Variants in RSBN1 observed in about 807,000 individuals in gnomAD.
RSBN1 encodes the protein lysine-specific demethylase 9.
In RSBN1, 23 loss-of-function variants were observed where a neutral mutation model predicts 74.8. The observed-to-expected ratio is 0.31, with a 90% CI of 0.22 to 0.44. The LOEUF is 0.44. Ranked by LOEUF, RSBN1 falls within the 20% of genes least tolerant of loss-of-function variation. RSBN1 has a pLI of 1.00. For synonymous variants in RSBN1, 407 were observed against 379.6 expected (o/e 1.07, Z -0.84); for missense variants, 808 against 1,020.9 (o/e 0.79, Z 2.84).
At chr1:113,801,169 G>A (rs1660577367) in intron 1 of RSBN1, among the ~76,000 whole-genome samples, 1 of 151,964 alleles carries the variant, frequency 6.6e-6, no homozygotes, top group Admixed American at 6.6e-5. Context: ...TTTTAGTAGA[G>A]ACAGGGTTTC....
chr1:113,795,429 G>T (rs1421656774), intron 2 of RSBN1, among the ~76,000 whole-genome samples: 2 of 152,170 alleles, frequency 1.3e-5, no homozygotes, highest in African/African-American at 2.4e-5. Flanking sequence ...TTGAACTACT[G>T]TGTTAACTTC....
chr1:113,791,061 C>T (rs1660354424), intron 2 of RSBN1, among the ~76,000 whole-genome samples: 3 of 151,944 alleles, frequency 2.0e-5, no homozygotes, highest in Admixed American at 2.0e-4. Context: ...GAGGAACAAA[C>T]AGAATTGGGA....
intron 5 of RSBN1, 175 bp downstream of exon 5, chr1:113,768,047 C>T (rs1244547915): frequency 4.1e-6 from 2 of 482,634 alleles, no homozygotes. Context: ...AGCTCTGTTT[C>T]GTAACAATGT....
chr1:113,781,301 A>C (rs1483286545), intron 2 of RSBN1, among the ~76,000 whole-genome samples: 5 of 152,082 alleles, frequency 3.3e-5, no homozygotes, highest in African/African-American at 1.2e-4. Flanking sequence ...CTCACCTTTT[A>C]TTCACATCTC....
rs544665520 is a variant in RSBN1 at position 113,777,604 on chromosome 1, C to G, written c.1515+67G>C. 2.9e-5 allele frequency: 42 copies of G among 1,436,920 alleles called. No individual in the cohort carries two copies. In the South Asian group the frequency reaches 5.2e-4, roughly 18 times the overall value. 89.0% of individuals were successfully genotyped at this position (1,436,920 alleles called of 1,614,324 possible). On this transcript the variant is annotated intron_variant, in intron 3 of 6. Transcript: ENST00000261441. ...TTCAATAGGCAATATTAGCTAAATA[C>G]TCTTCAACATATAAAGTGCCCACTT...
At position 113,811,995 on chromosome 1, in the gene RSBN1, G is replaced by A; in HGVS notation, c.418C>T (p.Pro140Ser). 1 of 1,554,948 alleles carries A rather than the reference G, an allele frequency of 6.4e-7. No homozygotes were observed. Among genetic ancestry groups the A allele is most frequent in the Non-Finnish European group, 8.7e-7 (1 of 1,149,968 alleles). ...AAPTVPGPVE[P>S]LLLPPPPPPS... is the part of the protein sequence containing the mutation. ...GGCGGCGGAGGCGGCAGGAGAAGAG[G>A]CTCAACAGGGCCTGGGACAGTTGGG... Residue 140 changes from proline to serine, a missense_variant, in exon 1 of 7, where the codon CCT (proline) becomes TCT (serine). By Grantham distance (74) the Pro-to-Ser change is moderately conservative. Around this residue, in one of 6 missense-constraint regions of RSBN1, gnomAD observed 464 missense variants for 401.0 expected, o/e 1.16. Coordinates refer to ENST00000261441, the MANE Select transcript of RSBN1 (RefSeq NM_018364.5).
intron 1 of RSBN1, among the ~76,000 whole-genome samples, chr1:113,799,479 G>C (rs1416010898): frequency 1.3e-5 from 2 of 151,232 alleles, no homozygotes; most frequent in African/African-American, 4.9e-5. Flanking sequence ...GACAAGCCAG[G>C]CATGTAAAGG....
At chr1:113,767,733 G>C (rs1158234036) in intron 5 of RSBN1, among the ~76,000 whole-genome samples, 1 of 152,188 alleles carries the variant, frequency 6.6e-6, no homozygotes, top group East Asian at 1.9e-4. Flanking sequence ...AGTGTCCACT[G>C]ATGGATAAAC....
chr1:113,798,186 G>A (rs1660511514), intron 1 of RSBN1, 150 bp from the exon 2 acceptor site: 2 of 639,516 alleles, frequency 3.1e-6, no homozygotes, highest in South Asian at 4.9e-5. Context: ...ATGAGACAGA[G>A]ATCTTAAATA....
intron 5 of RSBN1, among the ~76,000 whole-genome samples, 167 bp from the exon 6 acceptor site, chr1:113,767,374 T>G (rs1195892706): frequency 6.6e-6 from 1 of 151,996 alleles, no homozygotes; most frequent in African/African-American, 2.4e-5. Context: ...AAACTAAAGC[T>G]TAAAAAGCCA....
intron 2 of RSBN1, 93 bp from the exon 3 acceptor site, chr1:113,777,901 T>G: frequency 8.3e-7 from 1 of 1,208,468 alleles, no homozygotes; most frequent in Non-Finnish European, 1.1e-6. Flanking sequence ...ACGTTGCCAT[T>G]TCTTCTACAA....
intron 2 of RSBN1, among the ~76,000 whole-genome samples, chr1:113,793,170 G>C (rs1210482252): frequency 6.6e-6 from 1 of 152,152 alleles, no homozygotes; most frequent in Non-Finnish European, 1.5e-5. Flanking sequence ...TAAAAATGCA[G>C]ATTCTGATTC....
chr1:113,789,653 T>G (rs1485789782), intron 2 of RSBN1, among the ~76,000 whole-genome samples: 3 of 152,164 alleles, frequency 2.0e-5, no homozygotes, highest in African/African-American at 7.2e-5. Context: ...GATCCAAAAC[T>G]GACTCTGGGT....
intron 1 of RSBN1, among the ~76,000 whole-genome samples, chr1:113,798,543 G>T (rs1392937316): frequency 6.6e-6 from 1 of 152,112 alleles, no homozygotes; most frequent in Non-Finnish European, 1.5e-5. Context: ...TATCAAGTTG[G>T]CAAAGTCTGC....
At chr1:113,800,904 T>C (rs919590507) in intron 1 of RSBN1, among the ~76,000 whole-genome samples, 3 of 151,232 alleles carry the variant, frequency 2.0e-5, no homozygotes, top group Non-Finnish European at 4.4e-5. Context: ...TCTTACATTG[T>C]AATCTCATAA....
In RSBN1 at chr1:113,812,275, CACAA is replaced by C. The variant is rs1558007907; in HGVS notation, c.134_137del (p.Phe45TrpfsTer13). On this transcript the variant is annotated frameshift_variant, in exon 1 of 7. Coordinates refer to ENST00000261441, the MANE Select transcript of RSBN1 (RefSeq NM_018364.5). LOFTEE classifies it high-confidence loss of function. ...CTCCGACCTGCGCAGCCATTTCACC[CACAA>C]ACACACATTTAAATGGCCCGACCGC... 1 of 1,605,592 alleles carries C rather than the reference CACAA, an allele frequency of 6.2e-7. No individual in the cohort carries two copies. Among genetic ancestry groups the C allele is most frequent in the Admixed American group, 1.7e-5 (1 of 60,026 alleles).
intron 2 of RSBN1, among the ~76,000 whole-genome samples, chr1:113,795,601 T>C (rs962155685): frequency 6.6e-6 from 1 of 152,192 alleles, no homozygotes; most frequent in African/African-American, 2.4e-5. Context: ...TCAATATTCT[T>C]ATGTGGTTGA....
intron 2 of RSBN1, among the ~76,000 whole-genome samples, chr1:113,779,913 C>T (rs765797547): frequency 2.6e-5 from 4 of 151,794 alleles, no homozygotes; most frequent in Non-Finnish European, 4.4e-5. Context: ...CCCAGATACT[C>T]GGGAGGCTGA....
chr1:113,766,127 T>C lies in RSBN1; in HGVS notation c.2262A>G (p.Thr754=). ...CAGGTGGGAAAGATGATGAAGCAGTTGTTAACAGCTGAATCTCTGTGCATG... is the reference window on the plus strand; with the variant it reads ...CAGGTGGGAAAGATGATGAAGCAGTCGTTAACAGCTGAATCTCTGTGCATG... ...EEACTEIQLL[T]TASSSFPPAS... The change falls in exon 7 of 7, where the codon ACA becomes ACG. Residue 754 remains threonine, a synonymous_variant. Coordinates refer to ENST00000261441, the MANE Select transcript of RSBN1 (RefSeq NM_018364.5). The C allele has an allele frequency of 6.2e-7, 1 of 1,614,068 alleles. No homozygotes were observed. Among genetic ancestry groups the C allele is most frequent in the South Asian group, 1.1e-5 (1 of 91,082 alleles).
Sources: gnomAD v4.1 joint callset for allele counts (sites outside exome capture counted in the v4.1 genomes callset) on GRCh38, gnomAD v4.1.1 for gene constraint, gnomAD v4.1.1 regional missense constraint, MANE v1.5 for transcripts, NCBI Gene and HGNC (gene_info 2026-07-23, HGNC 2026-07-21) for gene names.